Variants in SVIL observed in about 807,000 individuals in gnomAD.
SVIL encodes archvillin.
SVIL carries 101 observed loss-of-function variants against 240.4 expected under a neutral mutation model. The observed-to-expected ratio is 0.42, with a 90% CI of 0.36 to 0.50. SVIL has a LOEUF of 0.50. Among genes scored for constraint, SVIL ranks in the 20% least tolerant of loss-of-function variants. The pLI is 0.01. For synonymous variants in SVIL, 999 were observed against 1,100.0 expected (o/e 0.91, Z 1.82); for missense variants, 2,512 against 2,818.7 (o/e 0.89, Z 2.46).
At chr10:29,692,759 T>C (rs2132618271) in intron 1 of SVIL, among the ~76,000 whole-genome samples, 1 of 152,148 alleles carries the variant, frequency 6.6e-6, no homozygotes, top group Non-Finnish European at 1.5e-5. Context: ...TCCCAAGGTG[T>C]TGGAATTACA....
intron 3 of SVIL, among the ~76,000 whole-genome samples, chr10:29,650,245 T>C (rs978683740): frequency 1.3e-5 from 2 of 152,176 alleles, no homozygotes; most frequent in Non-Finnish European, 2.9e-5. Flanking sequence ...AGTGGGTTGT[T>C]ACTTGAAGGA....
chr10:29,572,242 A>AT (rs1055367404), intron 1 of SVIL, among the ~76,000 whole-genome samples: 3 of 152,172 alleles, frequency 2.0e-5, no homozygotes, highest in African/African-American at 7.2e-5. Context: ...CAGTGGTGGC[A>AT]TTTTTGCCAT....
chr10:29,730,971 A>G (rs892263676), intron 1 of SVIL, among the ~76,000 whole-genome samples: 2 of 152,214 alleles, frequency 1.3e-5, no homozygotes, highest in Non-Finnish European at 2.9e-5. Flanking sequence ...GCCTAGGTAG[A>G]GGCACAATAC....
rs1953759141 is a variant in SVIL at position 29,554,883 on chromosome 10, G to A, written c.60C>T (p.Pro20=). Residue 20 remains proline, a synonymous_variant, in exon 5 of 38, where the codon CCC becomes CCT. Transcript: ENST00000355867. The stretch of plus-strand genomic sequence containing the variant: ...ATCCTGTGCAGCTCTGCAAGAGGAT[G>A]GGCTGAGTGTCATTTTCAATCCCTT... ...RLEGIENDTQ[P]ILLQSCTGLV... 4 of 1,613,768 alleles carry A rather than the reference G, an allele frequency of 2.5e-6. No homozygotes were observed. Among genetic ancestry groups the A allele is most frequent in the Non-Finnish European group, 3.4e-6 (4 of 1,179,844 alleles).
intron 13 of SVIL, among the ~76,000 whole-genome samples, chr10:29,525,984 C>T (rs192638754): frequency 2.2e-4 from 34 of 152,282 alleles, no homozygotes; most frequent in Admixed American, 1.7e-3. Flanking sequence ...AGCTTTATCC[C>T]GGCACTGCCA....
At chr10:29,526,902 G>C in intron 13 of SVIL, 59 bp downstream of exon 13, 1 of 1,299,648 alleles carries the variant, frequency 7.7e-7, no homozygotes, top group Admixed American at 3.1e-5. Flanking sequence ...ACTTTAGGAT[G>C]CATCTGCTGT....
At position 29,499,002 on chromosome 10, in the gene SVIL, C is replaced by T. The variant is rs189246822; in HGVS notation, c.3664+114G>A. ...TCTCTTAGAAAAAACTTAAAAAGAC[C>T]ATGGTTTCTTCTTTTAAATTGAGCT... On this transcript the variant is annotated intron_variant, in intron 18 of 37. Transcript: ENST00000355867. 4 of 1,421,700 alleles carry T rather than the reference C, an allele frequency of 2.8e-6. No homozygotes were observed. In the African/African-American group the frequency reaches 4.4e-5, roughly 15 times the overall value. The allele number at this position is 1,421,700 out of a possible 1,614,324, so 88.1% of individuals were successfully genotyped here.
chr10:29,701,437 A>G (rs1174957962), intron 1 of SVIL, among the ~76,000 whole-genome samples: 1 of 152,166 alleles, frequency 6.6e-6, no homozygotes, highest in Non-Finnish European at 1.5e-5. Context: ...TGCTTAAGCT[A>G]GTTTGAGTTT....
intron 2 of SVIL, among the ~76,000 whole-genome samples, chr10:29,659,033 A>G (rs1232025462): frequency 6.6e-6 from 1 of 152,200 alleles, no homozygotes; most frequent in African/African-American, 2.4e-5. Context: ...TCAAAGAGTG[A>G]GGGGAAACCC....
rs1958252637 is a variant in SVIL, at chr10:29,634,896, G to A, written c.-677C>T. On this transcript the variant is annotated 5_prime_UTR_variant, in exon 1 of 38. Coordinates refer to ENST00000355867, the MANE Select transcript of SVIL (RefSeq NM_021738.3). ...TGAACTTCCCCAACCTGGCCTCGGT[G>A]GAGCCATCCATTACTGGGCAAATCC... 1 of 152,154 alleles carries A rather than the reference G, an allele frequency of 6.6e-6. No homozygotes were observed. The highest frequency in any genetic ancestry group is 2.4e-5 in the African/African-American group (1 of 41,432). The allele number at this position is 152,154 out of a possible 1,614,324, so 9.4% of individuals were successfully genotyped here.
chr10:29,462,934 G>T (rs199985808), intron 35 of SVIL, among the ~76,000 whole-genome samples: 1 of 151,874 alleles, frequency 6.6e-6, no homozygotes, highest in Non-Finnish European at 1.5e-5. Flanking sequence ...AATTAAATAA[G>T]ATTAATTACT....
chr10:29,649,779 C>T (rs1027317903), intron 3 of SVIL, among the ~76,000 whole-genome samples: 1 of 152,176 alleles, frequency 6.6e-6, no homozygotes, highest in African/African-American at 2.4e-5. Context: ...GGTTTGAATG[C>T]GTCCCCCAGA....
In SVIL at chr10:29,552,876, G is replaced by A. The variant is rs1358054128; in HGVS notation, c.161-1613C>T. On this transcript the variant is annotated intron_variant, in intron 5 of 37. Coordinates refer to ENST00000355867, the MANE Select transcript of SVIL (RefSeq NM_021738.3). ...TAATTCCTCCTTTTCTCACTACTAT[G>A]TGAAGCTTAAACTTCACATATACTA... Among the ~76,000 whole-genome samples the A allele has an allele frequency of 2.6e-5, 4 of 151,982 alleles. No homozygotes were observed. In the East Asian group the frequency reaches 7.7e-4, roughly 29 times the overall value.
At chr10:29,524,433 AC>A in intron 14 of SVIL, 38 bp downstream of exon 14, 1 of 1,609,372 alleles carries the variant, frequency 6.2e-7, no homozygotes, top group Non-Finnish European at 8.5e-7. Context: ...ATTTAAGAAC[AC>A]ACACACACAA....
intron 2 of SVIL, among the ~76,000 whole-genome samples, chr10:29,674,378 A>C (rs1207811672): frequency 6.6e-6 from 1 of 152,114 alleles, no homozygotes; most frequent in African/African-American, 2.4e-5. Flanking sequence ...GTTTGGTTAG[A>C]AAAGATTCAT....
intron 1 of SVIL, among the ~76,000 whole-genome samples, chr10:29,631,423 C>CATG (rs3030658): frequency 0.53 from 78,194 of 146,680 alleles, 22,170 homozygotes; most frequent in Non-Finnish European, 0.65. Context: ...GTGGGCAGAT[C>CATG]ATGAGGTCAG....
chr10:29,641,023 C>A (rs968296906), intron 3 of SVIL, among the ~76,000 whole-genome samples: 1 of 152,108 alleles, frequency 6.6e-6, no homozygotes, highest in Non-Finnish European at 1.5e-5. Flanking sequence ...ACATGGCAAA[C>A]TTTTTGTCTT....
chr10:29,659,141 C>T (rs1959086387), intron 2 of SVIL, among the ~76,000 whole-genome samples: 1 of 152,168 alleles, frequency 6.6e-6, no homozygotes, highest in South Asian at 2.1e-4. Context: ...AGATGACTCA[C>T]AAGGTTACAG....
intron 2 of SVIL, among the ~76,000 whole-genome samples, chr10:29,669,428 T>C (rs938056138): frequency 2.0e-5 from 3 of 152,228 alleles, no homozygotes; most frequent in Non-Finnish European, 4.4e-5. Flanking sequence ...ACACAGGCTC[T>C]GGGCCAGGAC....
Sources: gnomAD v4.1 joint callset for allele counts (sites outside exome capture counted in the v4.1 genomes callset) on GRCh38, gnomAD v4.1.1 for gene constraint, MANE v1.5 for transcripts, NCBI Gene and HGNC (gene_info 2026-07-23, HGNC 2026-07-21) for gene names.